The following MTCH2 variants were observed in gnomAD, a reference collection of about 807,000 sequenced individuals.
MTCH2 encodes mitochondrial carrier homolog 2.
In MTCH2, 25 loss-of-function variants were observed where a neutral mutation model predicts 50.6. The observed-to-expected ratio is 0.49, with a 90% CI of 0.36 to 0.69. The LOEUF (loss-of-function observed/expected upper bound fraction) is 0.69. MTCH2 is among the 30% of genes least tolerant of loss of function. MTCH2 has a pLI of 0.00. For synonymous variants in MTCH2, 106 were observed against 132.0 expected (o/e 0.80, Z 1.35); for missense variants, 273 against 384.4 (o/e 0.71, Z 2.42).
chr11:47,642,466 G>T lies in MTCH2; in HGVS notation c.-1C>A. 7.0e-7 allele frequency: 1 copy of T among 1,433,372 alleles called. No individual in the cohort carries two copies. The highest frequency in any genetic ancestry group is 9.1e-7 in the Non-Finnish European group (1 of 1,096,862). 88.8% of individuals were successfully genotyped at this position (1,433,372 alleles called of 1,614,324 possible). A position where few individuals can be genotyped will look rare whatever the true frequency, so the allele number is the denominator to read the frequency against. ...GCACCTGACTGGCCGCGTCCGCCAT[G>T]ATGGCACCCGCGGGCGGACGGACAG... On this transcript the variant is annotated 5_prime_UTR_variant, in exon 1 of 13. Transcript: ENST00000302503.
intron 11 of MTCH2, among the ~76,000 whole-genome samples, chr11:47,623,188 T>C (rs1306227814): frequency 6.6e-6 from 1 of 151,886 alleles, no homozygotes; most frequent in African/African-American, 2.4e-5. Flanking sequence ...CTGGCCAACA[T>C]GGTGAAACCC....
chr11:47,631,455 T>C (rs1461951696), intron 6 of MTCH2, among the ~76,000 whole-genome samples, 199 bp downstream of exon 6: 2 of 152,048 alleles, frequency 1.3e-5, no homozygotes, highest in African/African-American at 2.4e-5. Context: ...TTAAGATAGA[T>C]TTTGATAGCC....
intron 12 of MTCH2, among the ~76,000 whole-genome samples, chr11:47,620,475 T>C (rs1380019959): frequency 6.6e-6 from 1 of 151,622 alleles, no homozygotes; most frequent in Non-Finnish European, 1.5e-5. Flanking sequence ...AGTGAGACCC[T>C]GTCTCAAAAA....
rs1430454714 is a variant in MTCH2 at position 47,642,495 on chromosome 11, G to C, written c.-30C>G. 1 of 1,508,232 alleles carries C rather than the reference G, an allele frequency of 6.6e-7. No individual in the cohort carries two copies. Among genetic ancestry groups the C allele is most frequent in the Admixed American group, 2.1e-5 (1 of 46,788 alleles). The allele number at this position is 1,508,232 out of a possible 1,614,324, so 93.4% of individuals were successfully genotyped here. ...GCACCCGCGGGCGGACGGACAGACA[G>C]ACGGAGCCACCAAGCGACCCGGTGA... On this transcript the variant is annotated 5_prime_UTR_variant, in exon 1 of 13. Transcript: ENST00000302503.
Position 47,622,785 on chromosome 11 carries a change from G to GA in MTCH2, c.750-10dup, listed in dbSNP as rs1406574899. ...GGCATCCACCAGCAAGACTAAAATA[G>GA]AAAAAAACATGGAGCTATTCATGTT... On this transcript the variant is annotated splice_polypyrimidine_tract_variant and intron_variant, in intron 11 of 12. Transcript: ENST00000302503. 3 of 1,573,744 alleles carry GA rather than the reference G, an allele frequency of 1.9e-6. No individual in the cohort carries two copies. Among genetic ancestry groups the GA allele is most frequent in the South Asian group, 1.1e-5 (1 of 87,110 alleles).
chr11:47,631,841 A>T, intron 5 of MTCH2, 130 bp from the exon 6 acceptor site: 1 of 820,974 alleles, frequency 1.2e-6, no homozygotes. Flanking sequence ...CCCTGGCTGG[A>T]GTCAAGAAGA....
intron 10 of MTCH2, 104 bp from the exon 11 acceptor site, chr11:47,625,845 A>C: frequency 1.2e-6 from 1 of 815,414 alleles, no homozygotes; most frequent in Non-Finnish European, 2.0e-6. Flanking sequence ...ACACTCTAAC[A>C]CTTGTCTCGC....
Position 47,628,638 on chromosome 11 carries a change from G to A in MTCH2, c.633+315C>T, listed in dbSNP as rs779809721. The stretch of plus-strand genomic sequence containing the variant: ...CACCCAGGCTGGAATGCAGTGGCGC[G>A]ATCTTGGCTCACTGCAACCTCCGCC... On this transcript the variant is annotated intron_variant, in intron 9 of 12. Transcript: ENST00000302503. 1.4e-4 allele frequency among the ~76,000 whole-genome samples: 21 copies of A among 152,150 alleles called. No individual in the cohort carries two copies. In the East Asian group the frequency reaches 2.5e-3, roughly 18 times the overall value.
the MTCH2 span, among the ~76,000 whole-genome samples, chr11:47,611,356 A>C: frequency 6.6e-6 from 1 of 152,220 alleles, no homozygotes; most frequent in Non-Finnish European, 1.5e-5. Context: ...TCTTTTTTCC[A>C]GCCAAAGGAC....
At chr11:47,623,376 T>TAA (rs1159771280) in intron 11 of MTCH2, among the ~76,000 whole-genome samples, 2 of 101,648 alleles carry the variant, frequency 2.0e-5, no homozygotes, top group African/African-American at 7.6e-5. Flanking sequence ...AGTCTTTTTT[T>TAA]AAAAAAAAAA....
the MTCH2 span, among the ~76,000 whole-genome samples, chr11:47,612,113 T>C: frequency 1.3e-5 from 2 of 152,148 alleles, no homozygotes; most frequent in African/African-American, 2.4e-5. Context: ...GATAGTCTCC[T>C]GAAAAGAAGC....
At chr11:47,627,048 C>A in intron 10 of MTCH2, 32 bp downstream of exon 10, 5 of 1,518,508 alleles carry the variant, frequency 3.3e-6, no homozygotes, top group Non-Finnish European at 4.5e-6. Flanking sequence ...ACAACTATTC[C>A]TAGAAGGTTA....
intron 3 of MTCH2, among the ~76,000 whole-genome samples, chr11:47,637,570 A>C (rs2097309865): frequency 6.6e-6 from 1 of 152,118 alleles, no homozygotes; most frequent in Admixed American, 6.6e-5. Flanking sequence ...TTGCAAGAGG[A>C]ATTTTTTGTG....
Position 47,629,045 on chromosome 11 carries a change from C to T in MTCH2, c.541G>A (p.Gly181Ser). ...TCACCTAGAAGGCGAGGAACAAGACCCCTACATGAAGAAACAATAAAAATA... is the reference window on the plus strand; with the variant it reads ...TCACCTAGAAGGCGAGGAACAAGACTCCTACATGAAGAAACAATAAAAATA... Reference protein sequence around the residue: ...REEGILGFFAGLVPRLLGDIL... With the variant: ...REEGILGFFASLVPRLLGDIL... The change falls in exon 9 of 13, where the codon GGT becomes AGT. Residue 181 changes from glycine (G) to serine (S), a missense_variant and splice_region_variant. Around this residue, in one of 2 missense-constraint regions of MTCH2, gnomAD observed 203 missense variants for 244.3 expected, o/e 0.83. Coordinates refer to ENST00000302503, the MANE Select transcript of MTCH2 (RefSeq NM_014342.4). The T allele has an allele frequency of 1.2e-6, 2 of 1,612,284 alleles. No individual in the cohort carries two copies. The highest frequency in any genetic ancestry group is 1.7e-6 in the Non-Finnish European group (2 of 1,178,968).
intron 8 of MTCH2, 127 bp downstream of exon 8, chr11:47,630,428 G>T: frequency 2.4e-6 from 2 of 818,892 alleles, no homozygotes; most frequent in Non-Finnish European, 4.0e-6. Context: ...GGCCTAAATA[G>T]AATGTAACGT....
chr11:47,627,128 C>T lies in MTCH2; in HGVS notation c.634-1G>A. ...TCTTCATTTCATTCATGGTAGAAAC[C>T]TAAAATAGGAAAAGAGCCTTAAATT... On this transcript the variant is annotated splice_acceptor_variant, in intron 9 of 12. Coordinates refer to ENST00000302503, the MANE Select transcript of MTCH2 (RefSeq NM_014342.4). LOFTEE classifies it high-confidence loss of function. 6.3e-7 allele frequency: 1 copy of T among 1,592,002 alleles called. No homozygotes were observed. Among genetic ancestry groups the T allele is most frequent in the Non-Finnish European group, 8.6e-7 (1 of 1,165,152 alleles).
At chr11:47,636,001 G>A (rs1394901156) in intron 3 of MTCH2, among the ~76,000 whole-genome samples, 1 of 151,976 alleles carries the variant, frequency 6.6e-6, no homozygotes, top group African/African-American at 2.4e-5. Flanking sequence ...TGGGGCGCAC[G>A]CTTTTAATCC....
intron 11 of MTCH2, among the ~76,000 whole-genome samples, chr11:47,624,231 CAAA>C (rs530030153): frequency 8.0e-5 from 5 of 62,122 alleles, no homozygotes; most frequent in African/African-American, 1.0e-4. Context: ...GACTCCATCT[CAAA>C]AAAAAAAAAA....
intron 11 of MTCH2, among the ~76,000 whole-genome samples, chr11:47,625,310 C>A (rs959039159): frequency 6.6e-6 from 1 of 151,366 alleles, no homozygotes; most frequent in Admixed American, 6.6e-5. Context: ...GTAATCCCAG[C>A]TACTCAGGAG....
Sources: allele counts gnomAD v4.1 joint callset (sites outside exome capture counted in the v4.1 genomes callset), GRCh38; gene constraint gnomAD v4.1.1; regional missense constraint gnomAD v4.1.1; transcripts MANE v1.5; gene names NCBI Gene and HGNC (gene_info 2026-07-23, HGNC 2026-07-21).